Variants in RAI14 observed in about 807,000 individuals in gnomAD.
RAI14 encodes retinoic acid induced 14.
Under a neutral mutation model 115.4 loss-of-function variants are expected in RAI14, and 45 were observed. The observed-to-expected ratio is 0.39, with a 90% CI of 0.31 to 0.50. The LOEUF (loss-of-function observed/expected upper bound fraction) is 0.50, where lower values mean the gene tolerates loss of function less well. RAI14 is among the 20% of genes least tolerant of loss of function. RAI14 has a pLI of 0.85. For synonymous variants in RAI14, 371 were observed against 415.4 expected, an observed-to-expected ratio of 0.89 and a Z score of 1.30; for missense variants, 939 against 1,131.2, an observed-to-expected ratio of 0.83 and a Z score of 2.44.
chr5:34,657,828 T>G (rs546997780), intron 1 of RAI14, among the ~76,000 whole-genome samples: 1 of 152,346 alleles, frequency 6.6e-6, no homozygotes, highest in South Asian at 2.1e-4. Context: ...AGGTCGGGAA[T>G]CACAGGGAGG....
At chr5:34,785,405 T>G (rs780058674) in intron 3 of RAI14, among the ~76,000 whole-genome samples, 2 of 152,138 alleles carry the variant, frequency 1.3e-5, no homozygotes, top group Non-Finnish European at 2.9e-5. Flanking sequence ...TGTTCTGGAA[T>G]CAGAACTTGT....
intron 2 of RAI14, among the ~76,000 whole-genome samples, chr5:34,699,629 A>G (rs1293127037): frequency 1.3e-5 from 2 of 152,174 alleles, no homozygotes; most frequent in East Asian, 1.9e-4. Flanking sequence ...ATTCTGAGAC[A>G]TTGGGGGTTA....
At chr5:34,783,077 A>G (rs921869141) in intron 3 of RAI14, among the ~76,000 whole-genome samples, 6 of 152,238 alleles carry the variant, frequency 3.9e-5, no homozygotes, top group Non-Finnish European at 8.8e-5. Context: ...TCCAGGCATT[A>G]TTGCCAGCCA....
At chr5:34,796,847 T>TAC (rs746901045) in intron 4 of RAI14, among the ~76,000 whole-genome samples, 1 of 151,460 alleles carries the variant, frequency 6.6e-6, no homozygotes, top group Non-Finnish European at 1.5e-5. Flanking sequence ...CACACACACA[T>TAC]ACACACACAC....
chr5:34,785,322 A>T lies in RAI14; in HGVS notation c.168-10617A>T, dbSNP rs1472146588. Among the ~76,000 whole-genome samples, 11 of 151,722 alleles carry T rather than the reference A, an allele frequency of 7.3e-5. No homozygotes were observed. The East Asian group carries it at 1.9e-3, about 27-fold the overall frequency. On this transcript the variant is annotated intron_variant, in intron 3 of 17. Coordinates refer to ENST00000265109, the MANE Select transcript of RAI14 (RefSeq NM_015577.3). ...GAAGTGGTTCCTTCAAACCTTGCAA[A>T]TTTTTTCCTAGTCCCATACCAGGGA...
At chr5:34,769,585 TC>T (rs1478928565) in intron 3 of RAI14, among the ~76,000 whole-genome samples, 1 of 152,212 alleles carries the variant, frequency 6.6e-6, no homozygotes, top group African/African-American at 2.4e-5. Context: ...TGGAATGGAA[TC>T]CTAGACTTTT....
At chr5:34,674,897 A>ATTT (rs35952675) in intron 1 of RAI14, among the ~76,000 whole-genome samples, 1 of 130,328 alleles carries the variant, frequency 7.7e-6, no homozygotes, top group Non-Finnish European at 1.7e-5. Context: ...ACTTCATTGG[A>ATTT]TTTTTTTTTT....
intron 4 of RAI14, among the ~76,000 whole-genome samples, chr5:34,800,000 GC>G (rs1240980407): frequency 1.3e-5 from 2 of 152,078 alleles, no homozygotes; most frequent in Non-Finnish European, 2.9e-5. Context: ...ATTTTTTAAA[GC>G]TATTTTTGCA....
chr5:34,760,356 A>T (rs957694139), intron 3 of RAI14, among the ~76,000 whole-genome samples: 1 of 152,056 alleles, frequency 6.6e-6, no homozygotes, highest in Non-Finnish European at 1.5e-5. Flanking sequence ...TATTGATGCC[A>T]TGTTGATCAG....
chr5:34,734,762 AG>A (rs1744650892), intron 2 of RAI14, among the ~76,000 whole-genome samples: 1 of 152,048 alleles, frequency 6.6e-6, no homozygotes, highest in South Asian at 2.1e-4. Context: ...CCCAGGTTCA[AG>A]CAATTCTCCT....
chr5:34,759,964 G>A (rs989440308), intron 3 of RAI14, among the ~76,000 whole-genome samples: 2 of 152,130 alleles, frequency 1.3e-5, no homozygotes, highest in Admixed American at 1.3e-4. Context: ...TTAGTGGTTT[G>A]CAATCTTGGC....
Position 34,823,072 on chromosome 5 carries a change from A to C in RAI14, c.1230A>C (p.Lys410Asn), listed in dbSNP as rs761256000. The C allele has an allele frequency of 5.6e-6, 9 of 1,612,480 alleles. No individual in the cohort carries two copies. The East Asian group carries it at 2.0e-4, about 36-fold the overall frequency. The change falls in exon 15 of 18, where the codon AAA becomes AAC. Residue 410 changes from lysine to asparagine, a missense_variant. Coordinates refer to ENST00000265109, the MANE Select transcript of RAI14 (RefSeq NM_015577.3). The surrounding 1 kb of genome is among the most constrained non-coding windows in gnomAD (Gnocchi z 4.5). Reference sequence around the variant, plus strand: ...GTGAAACCTCTCCCCCAGACTCCAAATCATCTCCATCTGTCTTAATACATT... The same window carrying C: ...GTGAAACCTCTCCCCCAGACTCCAACTCATCTCCATCTGTCTTAATACATT... The part of the protein sequence containing the change: ...KPGETSPPDS[K>N]SSPSVLIHSL...
chr5:34,786,928 A>T (rs1279279954), intron 3 of RAI14, among the ~76,000 whole-genome samples: 2 of 152,230 alleles, frequency 1.3e-5, no homozygotes, highest in Non-Finnish European at 2.9e-5. Context: ...AGATTTACTA[A>T]AAGTATTCCT....
chr5:34,780,307 G>A (rs1277217912), intron 3 of RAI14, among the ~76,000 whole-genome samples: 1 of 152,144 alleles, frequency 6.6e-6, no homozygotes, highest in East Asian at 1.9e-4. Flanking sequence ...CAGGACATAG[G>A]CATGGGCAAG....
chr5:34,682,552 A>T (rs1247681147), intron 1 of RAI14, among the ~76,000 whole-genome samples: 1 of 152,218 alleles, frequency 6.6e-6, no homozygotes, highest in African/African-American at 2.4e-5. Context: ...TTCAAATGAG[A>T]TGGAAACAAG....
At chr5:34,734,160 C>T (rs532931082) in intron 2 of RAI14, among the ~76,000 whole-genome samples, 2 of 152,328 alleles carry the variant, frequency 1.3e-5, no homozygotes, top group Admixed American at 1.3e-4. Context: ...TGTTGGTCTT[C>T]CCCTCTTTAG....
At chr5:34,708,201 G>GT (rs146605112) in intron 2 of RAI14, among the ~76,000 whole-genome samples, 22,128 of 146,958 alleles carry the variant, frequency 0.15, 1,856 homozygotes, top group Middle Eastern at 0.2. Context: ...GGAACTTTGG[G>GT]TTTTTGTTTT....
intron 1 of RAI14, among the ~76,000 whole-genome samples, chr5:34,665,176 C>CATAT (rs1422204699): frequency 0.22 from 3,806 of 17,656 alleles, 1,536 homozygotes; most frequent in Middle Eastern, 0.35. Context: ...TATATATACA[C>CATAT]ACATATATAT....
intron 1 of RAI14, among the ~76,000 whole-genome samples, chr5:34,683,952 T>C (rs996329594): frequency 1.3e-5 from 2 of 152,118 alleles, no homozygotes; most frequent in Non-Finnish European, 2.9e-5. Flanking sequence ...TGATCTCGAT[T>C]TCCTGACCTT....
Sources: gnomAD v4.1 joint callset for allele counts (sites outside exome capture counted in the v4.1 genomes callset) on GRCh38, gnomAD v4.1.1 for gene constraint, Gnocchi (gnomAD v3.1) non-coding constraint, MANE v1.5 for transcripts, NCBI Gene and HGNC (gene_info 2026-07-23, HGNC 2026-07-21) for gene names.